CHIA: variants seen among roughly 807,000 people sequenced by gnomAD.
The protein encoded by CHIA is acidic mammalian chitinase.
In CHIA, 47 loss-of-function variants were observed where a neutral mutation model predicts 53.5. The ratio of observed to expected loss-of-function variants is 0.88; its 90% CI spans 0.70 to 1.12. The LOEUF (loss-of-function observed/expected upper bound fraction) is 1.12. CHIA is among the 50% of genes most tolerant of loss of function. The probability of loss-of-function intolerance (pLI) is 0.00; values close to 1 mark genes in which losing one functional copy is unlikely to be tolerated. For missense variants in CHIA, 652 were observed against 592.2 expected (o/e 1.10, Z -1.05); for synonymous variants, 268 against 222.2 (o/e 1.21, Z -1.83).
chr1:111,319,013 A>T (rs1359367290), intron 9 of CHIA, 107 bp from the exon 10 acceptor site: 3 of 1,432,232 alleles, frequency 2.1e-6, no homozygotes, highest in Non-Finnish European at 2.8e-6. Context: ...TGTAACTAGA[A>T]ATTGAGCAAA....
chr1:111,296,712 C>A (rs532963429), intron 1 of CHIA, among the ~76,000 whole-genome samples: 1 of 152,144 alleles, frequency 6.6e-6, no homozygotes. Context: ...CAAAGCTGGA[C>A]GGAGAATATG....
chr1:111,317,816 T>C lies in CHIA; in HGVS notation c.605+11T>C, dbSNP rs779242669. 6 of 1,613,604 alleles carry C rather than the reference T, an allele frequency of 3.7e-6. No homozygotes were observed. The East Asian group carries it at 1.3e-4, about 36-fold the overall frequency. On this transcript the variant is annotated intron_variant, in intron 7 of 11. Coordinates refer to ENST00000369740, the MANE Select transcript of CHIA (RefSeq NM_201653.4). ...CCCCCAACTGTCACAGTGAGTGATG[T>C]GCCTTATCTTCAAACTCCTGGAGGT...
At chr1:111,310,630 G>T in intron 2 of CHIA, 138 bp downstream of exon 2, 3 of 1,501,072 alleles carry the variant, frequency 2.0e-6, no homozygotes, top group African/African-American at 1.4e-5. Flanking sequence ...AATTTCAAAT[G>T]AATCTTGTTA....
At position 111,317,988 on chromosome 1, in the gene CHIA, A is replaced by C. The variant is rs757035318; in HGVS notation, c.608A>C (p.Tyr203Ser). The change falls in exon 8 of 12, where the codon TAC becomes TCC. Residue 203 changes from tyrosine to serine, a missense_variant and splice_region_variant. Coordinates refer to ENST00000369740, the MANE Select transcript of CHIA (RefSeq NM_201653.4). ...SGYEIPQLSQ[Y>S]LDYIHVMTYD... ...TTAAATCCTCCACCCCACCTCAGGTACCTGGACTACATCCATGTCATGACC... is the reference window on the plus strand; with the variant it reads ...TTAAATCCTCCACCCCACCTCAGGTCCCTGGACTACATCCATGTCATGACC... 1.2e-6 allele frequency: 2 copies of C among 1,614,180 alleles called. No homozygotes were observed. The highest frequency in any genetic ancestry group is 1.7e-6 in the Non-Finnish European group (2 of 1,180,026).
In CHIA at chr1:111,319,485, G is replaced by T; in HGVS notation, c.1177+17G>T. The stretch of plus-strand genomic sequence containing the variant: ...AGAGTGCAAGTAAGTGACTGAGGGG[G>T]AATGCCCAGGTGTATAAATACCCCT... On this transcript the variant is annotated intron_variant, in intron 11 of 11. Transcript: ENST00000369740. 1 of 1,612,356 alleles carries T rather than the reference G, an allele frequency of 6.2e-7. No individual in the cohort carries two copies. The highest frequency in any genetic ancestry group is 1.1e-5 in the South Asian group (1 of 90,998).
chr1:111,318,123 C>T lies in CHIA; in HGVS notation c.729+14C>T, dbSNP rs765428844. 1.9e-6 allele frequency: 3 copies of T among 1,597,074 alleles called. No homozygotes were observed. Among genetic ancestry groups the T allele is most frequent in the Non-Finnish European group, 2.6e-6 (3 of 1,165,626 alleles). On this transcript the variant is annotated intron_variant, in intron 8 of 11. Transcript: ENST00000369740. The stretch of plus-strand genomic sequence containing the variant: ...TACCTCAATGTGGTGAGTCCCTGTA[C>T]AGATGCAAGAGCAGACCAGAGATGA...
At chr1:111,312,077 C>G in intron 3 of CHIA, 113 bp from the exon 4 acceptor site, 1 of 800,310 alleles carries the variant, frequency 1.2e-6, no homozygotes, top group Non-Finnish European at 2.2e-6. Context: ...TACCTCCACA[C>G]AGAGATCAGG....
intron 1 of CHIA, among the ~76,000 whole-genome samples, chr1:111,300,355 A>T (rs1300633639): frequency 6.6e-6 from 1 of 152,232 alleles, no homozygotes; most frequent in East Asian, 1.9e-4. Context: ...CAGTAACCAA[A>T]ACAGCATGGT....
chr1:111,320,486 C>T lies in CHIA; in HGVS notation c.*20C>T. ...GCATAAACCTGACCTGGTCTATATT[C>T]CCTAGAGTTCCAGTCTCTTTTGCTT... On this transcript the variant is annotated 3_prime_UTR_variant, in exon 12 of 12. Coordinates refer to ENST00000369740, the MANE Select transcript of CHIA (RefSeq NM_201653.4). 3 of 1,603,894 alleles carry T rather than the reference C, an allele frequency of 1.9e-6. No homozygotes were observed. Among genetic ancestry groups the T allele is most frequent in the Non-Finnish European group, 2.6e-6 (3 of 1,171,618 alleles).
chr1:111,309,928 A>G (rs1011658887), intron 1 of CHIA, among the ~76,000 whole-genome samples: 1 of 152,212 alleles, frequency 6.6e-6, no homozygotes, highest in Non-Finnish European at 1.5e-5. Flanking sequence ...ACTTGAAGCC[A>G]TTCCAAAGAA....
At position 111,307,672 on chromosome 1, in the gene CHIA, G is replaced by A. The variant is rs192854214; in HGVS notation, c.-68-2728G>A. Among the ~76,000 whole-genome samples, 409 of 148,976 alleles carry A rather than the reference G, an allele frequency of 2.7e-3. 1 individual carries two copies. The highest frequency in any genetic ancestry group is 4.0e-3 in the Non-Finnish European group (270 of 67,446). ...TTTTTTTTTCTTGAGATGGATTCTC[G>A]CTGTCGTCACCTGAGCTGGAGTGCA... On this transcript the variant is annotated intron_variant, in intron 1 of 11. Transcript: ENST00000369740.
At chr1:111,306,187 A>G (rs1316631147) in intron 1 of CHIA, among the ~76,000 whole-genome samples, 1 of 152,162 alleles carries the variant, frequency 6.6e-6, no homozygotes, top group South Asian at 2.1e-4. Context: ...CAAAATTCCA[A>G]TGGGGTTTCT....
intron 1 of CHIA, among the ~76,000 whole-genome samples, chr1:111,309,027 G>T (rs993456114): frequency 6.6e-6 from 1 of 152,188 alleles, no homozygotes; most frequent in Non-Finnish European, 1.5e-5. Context: ...GCCTGTCAGT[G>T]GGGGTGGCAC....
At chr1:111,310,248 C>A in intron 1 of CHIA, 152 bp from the exon 2 acceptor site, 1 of 886,494 alleles carries the variant, frequency 1.1e-6, no homozygotes, top group Non-Finnish European at 1.6e-6. Context: ...GGAGCCATGA[C>A]ATTGTTCTGT....
intron 1 of CHIA, among the ~76,000 whole-genome samples, chr1:111,302,500 T>C (rs766022256): frequency 3.9e-5 from 6 of 152,224 alleles, no homozygotes; most frequent in Admixed American, 6.5e-5. Flanking sequence ...TTATGACTAC[T>C]TCTTTAATCT....
rs763257100 is a variant in CHIA, at chr1:111,319,182, T to A, written c.978T>A (p.Tyr326Ter). ...GGGATGCCCCTCAGGAAGTGCCTTA[T>A]GCCTATCAGGGCAATGTGTGGGTTG... is the stretch of plus-strand genomic sequence containing the variant. ...QGWDAPQEVP[Y>*]AYQGNVWVGY... Residue 326 changes from tyrosine (Y) to a stop codon, truncating the protein, a stop_gained, in exon 10 of 12, where the codon TAT becomes TAA. Transcript: ENST00000369740. LOFTEE classifies it high-confidence loss of function. The A allele has an allele frequency of 6.2e-7, 1 of 1,611,552 alleles. No homozygotes were observed. Among genetic ancestry groups the A allele is most frequent in the Non-Finnish European group, 8.5e-7 (1 of 1,179,994 alleles).
chr1:111,306,967 G>A (rs754840452), intron 1 of CHIA, among the ~76,000 whole-genome samples: 15 of 152,208 alleles, frequency 9.9e-5, no homozygotes, highest in African/African-American at 2.4e-4. Context: ...TGGCAAAGAT[G>A]TGGAGTGATA....
chr1:111,310,070 T>G (rs1248112407), intron 1 of CHIA, among the ~76,000 whole-genome samples: 1 of 152,236 alleles, frequency 6.6e-6, no homozygotes, highest in Non-Finnish European at 1.5e-5. Flanking sequence ...CTTCCAAAGT[T>G]TCTTTTTATT....
chr1:111,301,529 C>A (rs1339843742), intron 1 of CHIA, among the ~76,000 whole-genome samples: 25 of 151,758 alleles, frequency 1.6e-4, no homozygotes, highest in African/African-American at 6.1e-4. Flanking sequence ...GAAACCCCGT[C>A]TCTACTTAAA....
Sources: allele counts gnomAD v4.1 joint callset (sites outside exome capture counted in the v4.1 genomes callset), GRCh38; gene constraint gnomAD v4.1.1; transcripts MANE v1.5; gene names NCBI Gene and HGNC (gene_info 2026-07-23, HGNC 2026-07-21).